METTL4: variants seen among roughly 807,000 people sequenced by gnomAD.
METTL4 encodes the protein N(6)-adenine-specific methyltransferase METTL4.
Under a neutral mutation model 54.0 loss-of-function variants are expected in METTL4, and 40 were observed. That is an observed-to-expected ratio of 0.74 (90% confidence interval 0.58 to 0.96). The LOEUF (loss-of-function observed/expected upper bound fraction) is 0.96, where lower values mean the gene tolerates loss of function less well. Ranked by LOEUF, METTL4 falls within the 50% of genes least tolerant of loss-of-function variation. The probability of loss-of-function intolerance (pLI) is 0.00; values close to 1 mark genes in which losing one functional copy is unlikely to be tolerated. For synonymous variants in METTL4, 169 were observed against 183.8 expected (o/e 0.92, Z 0.65); for missense variants, 525 against 549.0 (o/e 0.96, Z 0.44).
intron 3 of METTL4, among the ~76,000 whole-genome samples, chr18:2,559,395 C>A (rs2072283098): frequency 6.7e-6 from 1 of 149,454 alleles, no homozygotes; most frequent in African/African-American, 2.5e-5. Context: ...GAGGTATAGG[C>A]AAATTCACAG....
chr18:2,544,377 G>A, intron 7 of METTL4, 91 bp from the exon 8 acceptor site: 1 of 904,858 alleles, frequency 1.1e-6, no homozygotes, highest in Non-Finnish European at 1.6e-6. Context: ...TTCTCTTTCT[G>A]TATCTGATTT....
rs2071936029 is a variant in METTL4, at chr18:2,538,008, T to A, written c.*992A>T. The A allele has an allele frequency of 5.0e-6, 2 of 398,480 alleles. No individual in the cohort carries two copies. The highest frequency in any genetic ancestry group is 6.3e-4 in the Middle Eastern group (1 of 1,584). The allele number at this position is 398,480 out of a possible 1,614,324, so 24.7% of individuals were successfully genotyped here. Reference sequence around the variant, plus strand: ...TGTGGCAGACAGACAACTGTATATATGTTTTCAAAATTCACTGAATTTGAC... The same window carrying A: ...TGTGGCAGACAGACAACTGTATATAAGTTTTCAAAATTCACTGAATTTGAC... On this transcript the variant is annotated 3_prime_UTR_variant, in exon 9 of 9. Coordinates refer to ENST00000574538, the MANE Select transcript of METTL4 (RefSeq NM_022840.5).
At chr18:2,557,354 CAAG>C (rs1244481571) in intron 3 of METTL4, among the ~76,000 whole-genome samples, 6 of 152,090 alleles carry the variant, frequency 3.9e-5, no homozygotes, top group African/African-American at 1.4e-4. Flanking sequence ...TCCCTAGGGC[CAAG>C]AATAGTGCCT....
rs780798483 is a variant in METTL4, at chr18:2,544,731, G to A, written c.1103C>T (p.Pro368Leu). Residue 368 changes from proline to leucine, a missense_variant, in exon 7 of 9, where the codon CCA becomes CTA. Transcript: ENST00000574538. ...KITNSGEFVF[P>L]LDSPHKKPYE... ...GGGCTTTTTGTGTGGAGAATCTAAT[G>A]GGAACACAAATTCTCCTGAATTGGT... 8 of 1,612,434 alleles carry A rather than the reference G, an allele frequency of 5.0e-6. No individual in the cohort carries two copies. The Admixed American group carries it at 1.0e-4, about 20-fold the overall frequency.
rs555723139 is a variant in METTL4, at chr18:2,546,884, T to C, written c.1074+471A>G. On this transcript the variant is annotated intron_variant, in intron 6 of 8. Transcript: ENST00000574538. ...GATTTAGAGCATAAAAGGTTCTTGGTTCTGGCATCTTCCCATCCCCTCTAC... is the reference window on the plus strand; with the variant it reads ...GATTTAGAGCATAAAAGGTTCTTGGCTCTGGCATCTTCCCATCCCCTCTAC... Among the ~76,000 whole-genome samples the C allele has an allele frequency of 9.9e-5, 15 of 152,260 alleles. No homozygotes were observed. In the East Asian group the frequency reaches 2.3e-3, roughly 23 times the overall value.
chr18:2,569,472 C>A (rs891230728), intron 1 of METTL4, among the ~76,000 whole-genome samples: 1 of 152,066 alleles, frequency 6.6e-6, no homozygotes, highest in African/African-American at 2.4e-5. Flanking sequence ...CCGCCTTCTC[C>A]CCCTACCGCT....
rs985090244 is a variant in METTL4, at chr18:2,540,561, G to C, written c.1274-1416C>G. On this transcript the variant is annotated intron_variant, in intron 8 of 8. Transcript: ENST00000574538. ...CAAAGAAGAATTAAAAGGTTTCACT[G>C]TCTATAATTCAAGTGAACTCAAATT... The C allele has an allele frequency of 4.1e-6, 4 of 985,252 alleles. No individual in the cohort carries two copies. In the African/African-American group the frequency reaches 7.0e-5, roughly 17 times the overall value. 61.0% of individuals were successfully genotyped at this position (985,252 alleles called of 1,614,324 possible). A position where few individuals can be genotyped will look rare whatever the true frequency, so the allele number is the denominator to read the frequency against.
intron 4 of METTL4, chr18:2,552,968 T>C: frequency 2.0e-6 from 1 of 501,356 alleles, no homozygotes; most frequent in Non-Finnish European, 3.5e-6. Context: ...AATTGTATCA[T>C]AATGTTACCT....
chr18:2,570,361 C>T (rs374847046), intron 1 of METTL4, among the ~76,000 whole-genome samples: 1 of 152,190 alleles, frequency 6.6e-6, no homozygotes. Flanking sequence ...AAATGCTGAA[C>T]TGTACTGTGA....
At chr18:2,548,289 C>G (rs2072102224) in intron 5 of METTL4, among the ~76,000 whole-genome samples, 1 of 152,124 alleles carries the variant, frequency 6.6e-6, no homozygotes, top group Non-Finnish European at 1.5e-5. Flanking sequence ...GGCCCCTTCT[C>G]CAACATTCAG....
chr18:2,566,733 A>T (rs2143596936), intron 2 of METTL4, 88 bp downstream of exon 2: 1 of 1,092,246 alleles, frequency 9.2e-7, no homozygotes, highest in Non-Finnish European at 1.3e-6. Flanking sequence ...CTTTATACTT[A>T]ACGAATCACC....
At chr18:2,558,356 T>G (rs564609354) in intron 3 of METTL4, among the ~76,000 whole-genome samples, 103 of 152,320 alleles carry the variant, frequency 6.8e-4, no homozygotes, top group African/African-American at 2.4e-3. Context: ...AGAACACTTC[T>G]AAATAATTCA....
At chr18:2,568,567 C>G (rs923763337) in intron 1 of METTL4, 1 of 152,268 alleles carries the variant, frequency 6.6e-6, no homozygotes, top group East Asian at 1.9e-4. Context: ...GCCTGGCCAA[C>G]ATGGTGAAAC....
At chr18:2,555,858 G>A (rs2072231932) in intron 3 of METTL4, among the ~76,000 whole-genome samples, 1 of 151,260 alleles carries the variant, frequency 6.6e-6, no homozygotes, top group Admixed American at 6.6e-5. Flanking sequence ...AAAAAAAAAG[G>A]CTTTCAGACT....
At chr18:2,549,844 A>AAAAAAC (rs2072127148) in intron 5 of METTL4, among the ~76,000 whole-genome samples, 1 of 147,188 alleles carries the variant, frequency 6.8e-6, no homozygotes, top group Non-Finnish European at 1.5e-5. Context: ...AAAAAAAAAA[A>AAAAAAC]TTAGCCGGGT....
rs147652166 is a variant in METTL4, at chr18:2,538,286, G to A, written c.*714C>T. 3.1e-4 allele frequency: 60 copies of A among 194,322 alleles called. 1 individual carries two copies. In the East Asian group the frequency reaches 6.5e-3, roughly 21 times the overall value. The allele number at this position is 194,322 out of a possible 1,614,324, so 12.0% of individuals were successfully genotyped here. A position where few individuals can be genotyped will look rare whatever the true frequency, so the allele number is the denominator to read the frequency against. On this transcript the variant is annotated 3_prime_UTR_variant, in exon 9 of 9. Transcript: ENST00000574538. ...AGCAAAACCAGAAAGTGCTTGGAAA[G>A]TGACCTTGAATGCAATTTAAAACCC...
intron 1 of METTL4, chr18:2,568,520 G>A (rs1201430930): frequency 2.0e-5 from 3 of 152,328 alleles, no homozygotes; most frequent in East Asian, 3.9e-4. Context: ...GGGAGGCCGA[G>A]GCGGGCAGAT....
chr18:2,538,834 T>C lies in METTL4; in HGVS notation c.*166A>G, dbSNP rs1193508823. On this transcript the variant is annotated 3_prime_UTR_variant, in exon 9 of 9. Transcript: ENST00000574538. ...TAGTGCAACTCAAGTAAAATTCATC[T>C]TAAAATTACATGAAGGCTAGTCACT... 3.1e-6 allele frequency: 2 copies of C among 641,466 alleles called. No homozygotes were observed. Among genetic ancestry groups the C allele is most frequent in the Non-Finnish European group, 5.2e-6 (2 of 383,108 alleles). The allele number at this position is 641,466 out of a possible 1,614,324, so 39.7% of individuals were successfully genotyped here.
At chr18:2,544,873 T>C (rs570211905) in intron 6 of METTL4, 114 bp from the exon 7 acceptor site, 76 of 581,042 alleles carry the variant, frequency 1.3e-4, no homozygotes, top group Non-Finnish European at 2.2e-4. Context: ...AAAAATACTA[T>C]GTGAGCCACA....
Sources: gnomAD v4.1 joint callset for allele counts (sites outside exome capture counted in the v4.1 genomes callset) on GRCh38, gnomAD v4.1.1 for gene constraint, MANE v1.5 for transcripts, NCBI Gene and HGNC (gene_info 2026-07-23, HGNC 2026-07-21) for gene names.